Variants in QTMAN observed in about 807,000 individuals in gnomAD.
QTMAN encodes tRNA-queuosine alpha-mannosyltransferase.
chr2:144,241,809 A>G, the QTMAN span, among the ~76,000 whole-genome samples: 94 of 152,264 alleles, frequency 6.2e-4, no homozygotes, highest in Middle Eastern at 3.4e-3. Flanking sequence ...CAAAGTACTT[A>G]GCATTCTACC....
the QTMAN span, among the ~76,000 whole-genome samples, chr2:144,215,261 A>ATAT: frequency 1.4e-5 from 2 of 142,432 alleles, no homozygotes; most frequent in African/African-American, 5.3e-5. Flanking sequence ...AAAAAAAAAA[A>ATAT]ATATATATAT....
chr2:144,222,813 AAAG>A, the QTMAN span, among the ~76,000 whole-genome samples: 1 of 152,134 alleles, frequency 6.6e-6, no homozygotes, highest in Non-Finnish European at 1.5e-5. Flanking sequence ...GTCACAGAAA[AAAG>A]AAAAGAAAGC....
chr2:144,216,227 G>A, the QTMAN span, among the ~76,000 whole-genome samples: 1 of 152,108 alleles, frequency 6.6e-6, no homozygotes, highest in East Asian at 1.9e-4. Context: ...GCCTTTCCCT[G>A]AACTCCTCCT....
At chr2:144,135,003 T>TCG in the QTMAN span, among the ~76,000 whole-genome samples, 2 of 152,192 alleles carry the variant, frequency 1.3e-5, no homozygotes, top group African/African-American at 4.8e-5. Flanking sequence ...AGCATTTGTC[T>TCG]CGCTTCACGT....
chr2:144,244,446 T>C, the QTMAN span, among the ~76,000 whole-genome samples: 1 of 152,146 alleles, frequency 6.6e-6, no homozygotes, highest in Non-Finnish European at 1.5e-5. Flanking sequence ...TACCAAACTG[T>C]TGGGTGTTCA....
chr2:144,234,619 C>G, the QTMAN span, among the ~76,000 whole-genome samples: 3 of 152,142 alleles, frequency 2.0e-5, no homozygotes, highest in Admixed American at 6.6e-5. Context: ...GTCCTTTCCT[C>G]CTGCACAATG....
At chr2:144,066,779 G>A in the QTMAN span, among the ~76,000 whole-genome samples, 13 of 152,338 alleles carry the variant, frequency 8.5e-5, no homozygotes, top group Admixed American at 3.3e-4. Flanking sequence ...TCTCGCCACT[G>A]CACTCCAGCC....
chr2:144,152,276 T>C, the QTMAN span, among the ~76,000 whole-genome samples: 8 of 152,210 alleles, frequency 5.3e-5, no homozygotes, highest in East Asian at 9.6e-4. Context: ...ATCTCCAACA[T>C]AAGGCTGTTT....
chr2:144,169,493 T>C, the QTMAN span, among the ~76,000 whole-genome samples: 3 of 152,188 alleles, frequency 2.0e-5, no homozygotes, highest in Non-Finnish European at 4.4e-5. Context: ...AGTACTTCAG[T>C]ATCTAAATAT....
the QTMAN span, among the ~76,000 whole-genome samples, chr2:144,102,547 T>TAGC: frequency 6.6e-6 from 1 of 152,222 alleles, no homozygotes; most frequent in Admixed American, 6.5e-5. Context: ...TCCACTAACC[T>TAGC]AGCAGCTCTG....
the QTMAN span, among the ~76,000 whole-genome samples, chr2:144,018,724 C>T: frequency 3.3e-5 from 5 of 152,132 alleles, no homozygotes; most frequent in Admixed American, 6.5e-5. Context: ...AACAGTCATT[C>T]CTCATTCAAC....
At chr2:144,099,283 C>G in the QTMAN span, among the ~76,000 whole-genome samples, 1 of 152,112 alleles carries the variant, frequency 6.6e-6, no homozygotes, top group African/African-American at 2.4e-5. Flanking sequence ...ATTCACAACA[C>G]TTTTTGAAGA....
the QTMAN span, among the ~76,000 whole-genome samples, chr2:144,216,320 T>G: frequency 2.6e-5 from 4 of 152,300 alleles, no homozygotes; most frequent in South Asian, 2.1e-4. Flanking sequence ...CATGCAGCTG[T>G]GAAAATCTGA....
At chr2:144,031,743 G>A in the QTMAN span, among the ~76,000 whole-genome samples, 1 of 151,898 alleles carries the variant, frequency 6.6e-6, no homozygotes, top group East Asian at 1.9e-4. Flanking sequence ...GCTCTTAGGG[G>A]GTATGATTAC....
chr2:144,256,784 C>T, the QTMAN span, among the ~76,000 whole-genome samples: 17 of 151,710 alleles, frequency 1.1e-4, no homozygotes, highest in Non-Finnish European at 2.5e-4. Flanking sequence ...ACCTAGATGA[C>T]GGGTTGACAG....
chr2:144,279,317 C>T, the QTMAN span, among the ~76,000 whole-genome samples: 4 of 151,148 alleles, frequency 2.6e-5, no homozygotes, highest in Middle Eastern at 0.01. Context: ...AGACCCACCC[C>T]GCTTCCCTCA....
chr2:144,251,717 AGTT>A, the QTMAN span, among the ~76,000 whole-genome samples: 5 of 152,322 alleles, frequency 3.3e-5, no homozygotes, highest in African/African-American at 4.8e-5. Context: ...ACAAAAAAAA[AGTT>A]GTTAAGCTCA....
the QTMAN span, among the ~76,000 whole-genome samples, chr2:143,981,337 GTTT>G: frequency 6.8e-6 from 1 of 147,020 alleles, no homozygotes; most frequent in Admixed American, 6.8e-5. Context: ...GAAGAACCAT[GTTT>G]TTTTTTTTCT....
At chr2:143,972,915 T>A in the QTMAN span, among the ~76,000 whole-genome samples, 1 of 152,170 alleles carries the variant, frequency 6.6e-6, no homozygotes, top group African/African-American at 2.4e-5. Flanking sequence ...CTGAAACAAC[T>A]GATGAGAGTT....
Sources: gnomAD v4.1 joint callset for allele counts (sites outside exome capture counted in the v4.1 genomes callset) on GRCh38, gnomAD v4.1.1 for gene constraint, MANE v1.5 for transcripts, NCBI Gene and HGNC (gene_info 2026-07-23, HGNC 2026-07-21) for gene names.